The following PDE3A variants were observed in gnomAD, a reference collection of about 807,000 sequenced individuals.
The protein encoded by PDE3A is cGMP-inhibited 3',5'-cyclic phosphodiesterase 3A.
In PDE3A, 43 loss-of-function variants were observed where a neutral mutation model predicts 98.3. The ratio of observed to expected loss-of-function variants is 0.44; its 90% CI spans 0.34 to 0.56. The LOEUF (loss-of-function observed/expected upper bound fraction) is 0.56. Among genes scored for constraint, PDE3A ranks in the 20% least tolerant of loss-of-function variants. PDE3A has a pLI of 0.01. For missense variants in PDE3A, 1,427 were observed against 1,440.7 expected, an observed-to-expected ratio of 0.99 and a Z score of 0.15; for synonymous variants, 663 against 567.9, an observed-to-expected ratio of 1.17 and a Z score of -2.38.
chr12:20,646,871 T>A lies in PDE3A; in HGVS notation c.2486T>A (p.Leu829Gln). Residue 829 changes from leucine (L) to glutamine (Q), a missense_variant, in exon 12 of 16, where the codon CTG becomes CAG. By Grantham distance (113) the Leu-to-Gln change is moderately radical (BLOSUM62 -2). Transcript: ENST00000359062. ...GNIPALELMALYVAAAMHDYD... is the reference protein window; with the variant it reads ...GNIPALELMAQYVAAAMHDYD... ...ATCCCTGCCTTGGAGTTGATGGCGCTGTATGTGGCTGCAGCCATGCACGAT... is the reference window on the plus strand; with the variant it reads ...ATCCCTGCCTTGGAGTTGATGGCGCAGTATGTGGCTGCAGCCATGCACGAT... 6.2e-7 allele frequency: 1 copy of A among 1,613,772 alleles called. No individual in the cohort carries two copies. The highest frequency in any genetic ancestry group is 8.5e-7 in the Non-Finnish European group (1 of 1,179,664).
chr12:20,575,789 T>C (rs1796283376), intron 2 of PDE3A, among the ~76,000 whole-genome samples: 1 of 152,004 alleles, frequency 6.6e-6, no homozygotes, highest in Non-Finnish European at 1.5e-5. Context: ...AAGTTCTTGA[T>C]TTAATCTGAT....
chr12:20,615,058 G>T (rs2121459951), intron 3 of PDE3A, among the ~76,000 whole-genome samples: 1 of 91,378 alleles, frequency 1.1e-5, no homozygotes. Context: ...GTCTTACTCT[G>T]TTGCTCAGGC....
chr12:20,612,902 A>G (rs1467375140), intron 2 of PDE3A, among the ~76,000 whole-genome samples: 1 of 151,840 alleles, frequency 6.6e-6, no homozygotes, highest in African/African-American at 2.4e-5. Context: ...CAACAACAGG[A>G]AGAGAGACAG....
Position 20,369,803 on chromosome 12 carries a change from C to G in PDE3A, c.519C>G (p.Leu173=), listed in dbSNP as rs779657717. 1 of 1,612,474 alleles carries G rather than the reference C, an allele frequency of 6.2e-7. No individual in the cohort carries two copies. The highest frequency in any genetic ancestry group is 2.2e-5 in the East Asian group (1 of 44,798). The change falls in exon 1 of 16, where the codon CTC becomes CTG. Residue 173 remains leucine (L), a synonymous_variant. Coordinates refer to ENST00000359062, the MANE Select transcript of PDE3A (RefSeq NM_000921.5). ...CCGCCTGCTGCGGGGGGGAAGCGCTCGTCCAGATTGGGCTGGGCGTCGGGG... is the reference window on the plus strand; with the variant it reads ...CCGCCTGCTGCGGGGGGGAAGCGCTGGTCCAGATTGGGCTGGGCGTCGGGG... ...LLAACCGGEA[L]VQIGLGVGED...
At position 20,680,043 on chromosome 12, in the gene PDE3A, C is replaced by A; in HGVS notation, c.3198C>A (p.Phe1066Leu). 6.3e-7 allele frequency: 1 copy of A among 1,598,222 alleles called. No homozygotes were observed. Among genetic ancestry groups the A allele is most frequent in the Non-Finnish European group, 8.6e-7 (1 of 1,168,202 alleles). ...TATTTATTTTAGAAAAGAAGACTTT[C>A]AAAAGGAGAAAAATCTACTGCCAAA... ...ENNESPKKKT[F>L]KRRKIYCQIT... Residue 1066 changes from phenylalanine to leucine, a missense_variant, in exon 16 of 16, where the codon TTC becomes TTA. Coordinates refer to ENST00000359062, the MANE Select transcript of PDE3A (RefSeq NM_000921.5).
intron 1 of PDE3A, among the ~76,000 whole-genome samples, chr12:20,530,598 G>A (rs1259434026): frequency 6.6e-6 from 1 of 151,532 alleles, no homozygotes; most frequent in South Asian, 2.1e-4. Flanking sequence ...ACTCTGCGTA[G>A]CTGGAACTAT....
chr12:20,508,239 A>G (rs75088344), intron 1 of PDE3A, among the ~76,000 whole-genome samples: 10,118 of 151,918 alleles, frequency 0.067, 689 homozygotes, highest in African/African-American at 0.18. Context: ...GATTAAATGC[A>G]ACTTCTATGT....
chr12:20,428,387 C>T (rs1203503692), intron 1 of PDE3A, among the ~76,000 whole-genome samples: 1 of 152,150 alleles, frequency 6.6e-6, no homozygotes, highest in Non-Finnish European at 1.5e-5. Context: ...TCAGGCTATC[C>T]TCCTGCCTCA....
At chr12:20,563,589 C>T (rs10770670) in intron 2 of PDE3A, among the ~76,000 whole-genome samples, 136,562 of 152,258 alleles carry the variant, frequency 0.9, 61,864 homozygotes, top group East Asian at 1. Flanking sequence ...TAACAACTAT[C>T]AATATTCGTT....
At chr12:20,394,541 T>C (rs1943973496) in intron 1 of PDE3A, among the ~76,000 whole-genome samples, 2 of 152,110 alleles carry the variant, frequency 1.3e-5, no homozygotes, top group African/African-American at 2.4e-5. Flanking sequence ...ATTTTTTAAC[T>C]AATGTAGTTA....
rs567461584 is a variant in PDE3A, at chr12:20,571,044, A to G, written c.1011+14334A>G. On this transcript the variant is annotated intron_variant, in intron 2 of 15. Transcript: ENST00000359062. The stretch of plus-strand genomic sequence containing the variant: ...TGACAAGTGTTCATGTTATGATAGC[A>G]TCAGCTTAAATGTGTCAGTATGGAT... 7.9e-5 allele frequency among the ~76,000 whole-genome samples: 12 copies of G among 152,322 alleles called. 1 individual carries two copies. Among genetic ancestry groups the G allele is most frequent in the African/African-American group, 2.9e-4 (12 of 41,582 alleles).
chr12:20,524,093 C>G (rs969441809), intron 1 of PDE3A, among the ~76,000 whole-genome samples: 1 of 152,084 alleles, frequency 6.6e-6, no homozygotes, highest in African/African-American at 2.4e-5. Context: ...TGTAGAACTA[C>G]CATCACGGCC....
chr12:20,654,290 A>G, intron 15 of PDE3A, 85 bp downstream of exon 15: 1 of 1,275,120 alleles, frequency 7.8e-7, no homozygotes, highest in Non-Finnish European at 1.1e-6. Context: ...TATGAAATAC[A>G]CAATACTTCA....
At chr12:20,422,998 T>G (rs1353336316) in intron 1 of PDE3A, among the ~76,000 whole-genome samples, 1 of 152,212 alleles carries the variant, frequency 6.6e-6, no homozygotes, top group Non-Finnish European at 1.5e-5. Context: ...CTTGAAATGC[T>G]AGAAATCACT....
rs574857617 is a variant in PDE3A at position 20,672,824 on chromosome 12, G to C, written c.3185-7206G>C. On this transcript the variant is annotated intron_variant, in intron 15 of 15. Coordinates refer to ENST00000359062, the MANE Select transcript of PDE3A (RefSeq NM_000921.5). ...CATGTCTAAAACACCAAAAGCAATG[G>C]CAACAAAAGACAAAATTGACAAATG... Among the ~76,000 whole-genome samples, 221 of 134,160 alleles carry C rather than the reference G, an allele frequency of 1.6e-3. 1 individual carries two copies. Among genetic ancestry groups the C allele is most frequent in the Non-Finnish European group, 1.3e-3 (84 of 63,084 alleles). The allele number at this position is 134,160 out of a possible 152,430, so 88.0% of individuals were successfully genotyped here.
chr12:20,439,581 A>G (rs1249027254), intron 1 of PDE3A, among the ~76,000 whole-genome samples: 1 of 152,204 alleles, frequency 6.6e-6, no homozygotes, highest in Non-Finnish European at 1.5e-5. Context: ...CTTATAAGGC[A>G]AAATATTTTG....
intron 1 of PDE3A, among the ~76,000 whole-genome samples, chr12:20,496,445 A>G (rs1945920356): frequency 6.6e-6 from 1 of 152,056 alleles, no homozygotes; most frequent in African/African-American, 2.4e-5. Context: ...AAACAAACCA[A>G]CACAATTCTC....
rs539339901 is a variant in PDE3A at position 20,581,675 on chromosome 12, C to T, written c.1011+24965C>T. Among the ~76,000 whole-genome samples, 571 of 146,068 alleles carry T rather than the reference C, an allele frequency of 3.9e-3. 3 individuals are homozygous for T. Among genetic ancestry groups the T allele is most frequent in the African/African-American group, 0.014 (548 of 38,670 alleles). The stretch of plus-strand genomic sequence containing the variant: ...TCGCCCAGGCTGGAGTACAGTGGCA[C>T]GATCTCGGCTCACTGCAAGCTCCGC... On this transcript the variant is annotated intron_variant, in intron 2 of 15. Transcript: ENST00000359062.
At chr12:20,533,370 G>T (rs1271497369) in intron 1 of PDE3A, among the ~76,000 whole-genome samples, 1 of 151,394 alleles carries the variant, frequency 6.6e-6, no homozygotes, top group Non-Finnish European at 1.5e-5. Context: ...CTTGACTCAA[G>T]ACCTCCTTAT....
Sources: allele counts gnomAD v4.1 joint callset (sites outside exome capture counted in the v4.1 genomes callset), GRCh38; gene constraint gnomAD v4.1.1; transcripts MANE v1.5; gene names NCBI Gene and HGNC (gene_info 2026-07-23, HGNC 2026-07-21).